The following C8orf34 variants were observed in gnomAD, a reference collection of about 807,000 sequenced individuals.
C8orf34 encodes the protein chromosome 8 open reading frame 34, also known as uncharacterized protein C8orf34.
C8orf34 carries 65 observed loss-of-function variants against 68.3 expected under a neutral mutation model. The observed-to-expected ratio is 0.95, with a 90% CI of 0.78 to 1.17. The LOEUF is 1.17. Ranked by LOEUF, C8orf34 falls within the 50% of genes most tolerant of loss-of-function variation. C8orf34 has a pLI of 0.00. For synonymous variants in C8orf34, 244 were observed against 241.2 expected (o/e 1.01, Z -0.11); for missense variants, 664 against 655.4 (o/e 1.01, Z -0.14).
Position 68,658,567 on chromosome 8 carries a change from A to T in C8orf34, c.1241+18056A>T, listed in dbSNP as rs140833850. 4.2e-3 allele frequency among the ~76,000 whole-genome samples: 642 copies of T among 152,236 alleles called. 3 individuals carry two copies. The highest frequency in any genetic ancestry group is 0.015 in the African/African-American group (607 of 41,568). On this transcript the variant is annotated intron_variant, in intron 8 of 13. Coordinates refer to ENST00000518698, the MANE Select transcript of C8orf34 (RefSeq NM_052958.4). ...TCTATTTTTAGTAAGGTGTCCTGCC[A>T]CTTTCTCTTTGAAAATTTATTCCCT...
intron 6 of C8orf34, among the ~76,000 whole-genome samples, chr8:68,523,290 T>C (rs775200724): frequency 6.6e-6 from 1 of 152,186 alleles, no homozygotes; most frequent in Non-Finnish European, 1.5e-5. Context: ...AAATGTAAAA[T>C]AGAGAAATGT....
intron 1 of C8orf34, among the ~76,000 whole-genome samples, chr8:68,351,322 A>T (rs948322369): frequency 2.0e-5 from 3 of 152,050 alleles, no homozygotes; most frequent in Non-Finnish European, 4.4e-5. Context: ...TTCAGCTGAG[A>T]GATCCAATTA....
chr8:68,423,730 G>A (rs973112427), intron 1 of C8orf34, among the ~76,000 whole-genome samples: 5 of 152,070 alleles, frequency 3.3e-5, no homozygotes, highest in African/African-American at 1.2e-4. Context: ...CTGCTATGAA[G>A]AAATACCCAA....
chr8:68,406,267 G>A (rs1010847312), intron 1 of C8orf34, among the ~76,000 whole-genome samples: 1 of 152,058 alleles, frequency 6.6e-6, no homozygotes, highest in Non-Finnish European at 1.5e-5. Context: ...ATGAAGGAAG[G>A]GTTTGGAATT....
intron 7 of C8orf34, among the ~76,000 whole-genome samples, chr8:68,543,720 T>A (rs1392565673): frequency 6.6e-6 from 1 of 152,190 alleles, no homozygotes; most frequent in African/African-American, 2.4e-5. Flanking sequence ...ATATTTTATA[T>A]TTACATGAGT....
At chr8:68,388,412 A>G (rs557565008) in intron 1 of C8orf34, among the ~76,000 whole-genome samples, 1 of 152,094 alleles carries the variant, frequency 6.6e-6, no homozygotes, top group Non-Finnish European at 1.5e-5. Flanking sequence ...TCTGACATGT[A>G]AAGTACATGT....
chr8:68,503,651 A>G (rs1222049822), intron 5 of C8orf34, among the ~76,000 whole-genome samples: 1 of 151,396 alleles, frequency 6.6e-6, no homozygotes, highest in Non-Finnish European at 1.5e-5. Flanking sequence ...AGTTCTCAAA[A>G]CGGTCCAATG....
chr8:68,488,766 C>T (rs1813185052), intron 5 of C8orf34, among the ~76,000 whole-genome samples: 1 of 152,102 alleles, frequency 6.6e-6, no homozygotes, highest in African/African-American at 2.4e-5. Flanking sequence ...GCCTATTAAA[C>T]ATGTTTATAT....
At chr8:68,435,158 G>A (rs1235471166) in intron 1 of C8orf34, among the ~76,000 whole-genome samples, 1 of 148,252 alleles carries the variant, frequency 6.7e-6, no homozygotes, top group African/African-American at 2.5e-5. Flanking sequence ...GATAAATATT[G>A]TAATCATAGT....
intron 7 of C8orf34, among the ~76,000 whole-genome samples, chr8:68,593,525 T>C (rs990441491): frequency 6.6e-6 from 1 of 152,008 alleles, no homozygotes; most frequent in African/African-American, 2.4e-5. Context: ...TTCAATCTTT[T>C]AGCACTTACT....
chr8:68,488,740 T>C (rs992544199), intron 5 of C8orf34, among the ~76,000 whole-genome samples: 2 of 152,188 alleles, frequency 1.3e-5, no homozygotes, highest in African/African-American at 4.8e-5. Context: ...CTCATTTAGA[T>C]TGTTTATTTT....
At chr8:68,740,556 A>G (rs749065015) in intron 10 of C8orf34, among the ~76,000 whole-genome samples, 17 of 152,224 alleles carry the variant, frequency 1.1e-4, no homozygotes, top group Non-Finnish European at 1.8e-4. Context: ...CACACCAGTC[A>G]GAATGGCTAT....
At chr8:68,729,814 A>C (rs190477473) in intron 10 of C8orf34, among the ~76,000 whole-genome samples, 102 of 152,196 alleles carry the variant, frequency 6.7e-4, no homozygotes, top group African/African-American at 2.3e-3. Flanking sequence ...ATATTGCTAC[A>C]CTGTACACGC....
At chr8:68,639,637 G>T (rs1477121543) in intron 7 of C8orf34, among the ~76,000 whole-genome samples, 1 of 152,046 alleles carries the variant, frequency 6.6e-6, no homozygotes, top group East Asian at 1.9e-4. Context: ...GCAAGTAATT[G>T]GAATCCTTTT....
chr8:68,468,563 A>C (rs1812244086), intron 3 of C8orf34, 129 bp from the exon 4 acceptor site: 7 of 850,668 alleles, frequency 8.2e-6, no homozygotes, highest in Non-Finnish European at 1.2e-5. Flanking sequence ...CTCACAAGCA[A>C]ACCATCTTCA....
rs551798494 is a variant in C8orf34 at position 68,449,436 on chromosome 8, G to T, written c.607+2976G>T. Among the ~76,000 whole-genome samples the T allele has an allele frequency of 6.6e-5, 10 of 152,050 alleles. No individual in the cohort carries two copies. The South Asian group carries it at 2.1e-3, about 32-fold the overall frequency. ...TGTACCCAGTAAGTAGTGACTCAACGTTCCCACCTCCTACCAGCCCCTGGC... is the reference window on the plus strand; with the variant it reads ...TGTACCCAGTAAGTAGTGACTCAACTTTCCCACCTCCTACCAGCCCCTGGC... On this transcript the variant is annotated intron_variant, in intron 3 of 13. Transcript: ENST00000518698.
chr8:68,732,657 C>G (rs1405913469), intron 10 of C8orf34, among the ~76,000 whole-genome samples: 1 of 152,016 alleles, frequency 6.6e-6, no homozygotes, highest in Non-Finnish European at 1.5e-5. Context: ...ACAGTTTTTT[C>G]TCTCCAATAT....
intron 10 of C8orf34, among the ~76,000 whole-genome samples, chr8:68,753,650 A>C (rs1232330020): frequency 6.6e-6 from 1 of 152,216 alleles, no homozygotes; most frequent in Non-Finnish European, 1.5e-5. Context: ...GGAAAACAGG[A>C]AACTAGGAGT....
intron 9 of C8orf34, among the ~76,000 whole-genome samples, chr8:68,711,998 C>T (rs1342019435): frequency 6.6e-6 from 1 of 152,112 alleles, no homozygotes; most frequent in Non-Finnish European, 1.5e-5. Context: ...TCAGCAGAAA[C>T]CCTACAACCC....
Sources: allele counts gnomAD v4.1 joint callset (sites outside exome capture counted in the v4.1 genomes callset), GRCh38; gene constraint gnomAD v4.1.1; transcripts MANE v1.5; gene names NCBI Gene and HGNC (gene_info 2026-07-23, HGNC 2026-07-21).